Variants in CEP128 observed in about 807,000 individuals in gnomAD.
CEP128 encodes centrosomal protein 128kDa.
CEP128 carries 132 observed loss-of-function variants against 156.7 expected under a neutral mutation model. The observed-to-expected ratio is 0.84, with a 90% CI of 0.73 to 0.97. The LOEUF (loss-of-function observed/expected upper bound fraction) is 0.97, where lower values mean the gene tolerates loss of function less well. Ranked by LOEUF, CEP128 falls within the 50% of genes least tolerant of loss-of-function variation. The pLI is 0.00. For missense variants in CEP128, 1,252 were observed against 1,281.9 expected, an observed-to-expected ratio of 0.98 and a Z score of 0.36; for synonymous variants, 469 against 448.9, an observed-to-expected ratio of 1.04 and a Z score of -0.57.
chr14:80,779,733 G>A (rs1381211070), intron 15 of CEP128, among the ~76,000 whole-genome samples: 4 of 152,158 alleles, frequency 2.6e-5, no homozygotes, highest in Non-Finnish European at 5.9e-5. Context: ...CCGGAAGCCT[G>A]TTTTCAAATA....
chr14:80,695,767 G>A (rs942283265), intron 19 of CEP128, among the ~76,000 whole-genome samples: 1 of 151,810 alleles, frequency 6.6e-6, no homozygotes, highest in South Asian at 2.1e-4. Flanking sequence ...CAAGTAGTTT[G>A]GTATTGCTGG....
chr14:80,674,958 T>G (rs1896000794), intron 19 of CEP128, among the ~76,000 whole-genome samples: 2 of 151,930 alleles, frequency 1.3e-5, no homozygotes, highest in Admixed American at 1.3e-4. Flanking sequence ...GCACATTACT[T>G]GCATCTTGTT....
intron 13 of CEP128, among the ~76,000 whole-genome samples, chr14:80,814,334 T>C (rs1884726299): frequency 6.6e-6 from 1 of 152,174 alleles, no homozygotes. Flanking sequence ...TTATGAACTT[T>C]TCTGTATTTT....
intron 19 of CEP128, among the ~76,000 whole-genome samples, chr14:80,711,295 T>TTGTGTGTGTGTGTGTGTGTGTG (rs138953286): frequency 2.7e-5 from 4 of 145,740 alleles, no homozygotes; most frequent in Non-Finnish European, 4.5e-5. Flanking sequence ...TAAGACTATG[T>TTGTGTGTGTGTGTGTGTGTGTG]TGTGTGTGTG....
At chr14:80,866,867 G>C (rs1230969783) in intron 8 of CEP128, among the ~76,000 whole-genome samples, 1 of 152,116 alleles carries the variant, frequency 6.6e-6, no homozygotes, top group Non-Finnish European at 1.5e-5. Context: ...GAATACAGTA[G>C]TCCCATTTTA....
intron 13 of CEP128, among the ~76,000 whole-genome samples, chr14:80,811,837 G>GATAGATAGATAGATAGATAC (rs1884571116): frequency 6.6e-6 from 1 of 152,092 alleles, no homozygotes. Flanking sequence ...TAGATAGATA[G>GATAGATAGATAGATAGATAC]ATAGATAGAT....
intron 9 of CEP128, among the ~76,000 whole-genome samples, chr14:80,862,205 T>C (rs1229972980): frequency 6.6e-6 from 1 of 152,220 alleles, no homozygotes; most frequent in Non-Finnish European, 1.5e-5. Flanking sequence ...ATGGGCCATA[T>C]ATACTTGTGG....
intron 13 of CEP128, among the ~76,000 whole-genome samples, chr14:80,823,128 G>A (rs1436547936): frequency 6.6e-6 from 1 of 152,132 alleles, no homozygotes; most frequent in Non-Finnish European, 1.5e-5. Flanking sequence ...TCATTTCTAT[G>A]TCCTCTTCTC....
chr14:80,910,478 C>T (rs892856289), intron 4 of CEP128, among the ~76,000 whole-genome samples: 4 of 152,072 alleles, frequency 2.6e-5, no homozygotes, highest in African/African-American at 9.7e-5. Context: ...TGTAGCACCT[C>T]CCCACTCCTT....
chr14:80,616,391 C>A (rs868860532), intron 19 of CEP128, among the ~76,000 whole-genome samples: 79 of 152,194 alleles, frequency 5.2e-4, no homozygotes, highest in African/African-American at 1.8e-3. Flanking sequence ...ATTATTTTCC[C>A]CATTTTACAG....
chr14:80,959,418 T>C (rs1886901736), intron 1 of CEP128: 1 of 152,242 alleles, frequency 6.6e-6, no homozygotes, highest in African/African-American at 2.4e-5. Flanking sequence ...GATTGACCCA[T>C]CACCCTCTCT....
chr14:80,637,528 G>A (rs1390234611), intron 19 of CEP128, among the ~76,000 whole-genome samples: 2 of 152,156 alleles, frequency 1.3e-5, no homozygotes, highest in Admixed American at 6.5e-5. Flanking sequence ...TGTATCCATT[G>A]CAGACACTCA....
intron 8 of CEP128, among the ~76,000 whole-genome samples, chr14:80,894,926 A>T (rs1889276682): frequency 6.6e-6 from 1 of 152,050 alleles, no homozygotes; most frequent in Non-Finnish European, 1.5e-5. Flanking sequence ...TACTTTTACT[A>T]GGAAACTTTC....
chr14:80,895,974 C>G (rs1889334468), intron 7 of CEP128, among the ~76,000 whole-genome samples, 184 bp from the exon 8 acceptor site: 1 of 152,042 alleles, frequency 6.6e-6, no homozygotes, highest in Non-Finnish European at 1.5e-5. Context: ...TCCCGCCCCC[C>G]AGATTTCAAA....
intron 19 of CEP128, among the ~76,000 whole-genome samples, chr14:80,607,080 ATG>A (rs1038303582): frequency 3.3e-5 from 5 of 151,888 alleles, no homozygotes; most frequent in South Asian, 2.1e-4. Context: ...CATCGAATAT[ATG>A]TGTTATATAA....
At chr14:80,596,654 G>A (rs1017497764) in intron 19 of CEP128, among the ~76,000 whole-genome samples, 2 of 151,164 alleles carry the variant, frequency 1.3e-5, no homozygotes, top group African/African-American at 4.9e-5. Flanking sequence ...ATAAAAATTT[G>A]TAAAAATGAT....
intron 23 of CEP128, among the ~76,000 whole-genome samples, chr14:80,507,667 A>T (rs2140203172): frequency 6.6e-6 from 1 of 152,346 alleles, no homozygotes; most frequent in Middle Eastern, 3.4e-3. Context: ...ACTTTTACTC[A>T]CTAACGCCAC....
At chr14:80,617,723 C>T (rs1487021685) in intron 19 of CEP128, among the ~76,000 whole-genome samples, 1 of 151,890 alleles carries the variant, frequency 6.6e-6, no homozygotes, top group African/African-American at 2.4e-5. Flanking sequence ...GGATGGATCT[C>T]TTGAGCCCAG....
At chr14:80,724,827 G>A (rs1159830845) in intron 19 of CEP128, among the ~76,000 whole-genome samples, 1 of 151,454 alleles carries the variant, frequency 6.6e-6, no homozygotes, top group Non-Finnish European at 1.5e-5. Flanking sequence ...TTTCAGGATA[G>A]TTCCTATGCT....
Sources: allele counts gnomAD v4.1 joint callset (sites outside exome capture counted in the v4.1 genomes callset), GRCh38; gene constraint gnomAD v4.1.1; transcripts MANE v1.5; gene names NCBI Gene and HGNC (gene_info 2026-07-23, HGNC 2026-07-21).